STK35: variants seen among roughly 807,000 people sequenced by gnomAD.
STK35 encodes the protein serine/threonine-protein kinase 35.
In STK35, 17 loss-of-function variants were observed where a neutral mutation model predicts 37.3. The ratio of observed to expected loss-of-function variants is 0.46; its 90% CI spans 0.31 to 0.68. STK35 has a LOEUF of 0.68. Ranked by LOEUF, STK35 falls within the 30% of genes least tolerant of loss-of-function variation. STK35 has a pLI of 0.05. For synonymous variants in STK35, 385 were observed against 319.1 expected (o/e 1.21, Z -2.20); for missense variants, 595 against 746.7 (o/e 0.80, Z 2.37).
At chr20:2,114,136 G>A (rs1985670957) in intron 2 of STK35, among the ~76,000 whole-genome samples, 1 of 152,064 alleles carries the variant, frequency 6.6e-6, no homozygotes, top group African/African-American at 2.4e-5. Flanking sequence ...CAGTCTGCTT[G>A]GAGTAAAGGA....
chr20:2,125,496 C>T (rs1208072829), intron 3 of STK35, among the ~76,000 whole-genome samples: 4 of 152,200 alleles, frequency 2.6e-5, no homozygotes, highest in South Asian at 2.1e-4. Flanking sequence ...TCTACTGCTC[C>T]GTTCTGCATT....
At chr20:2,129,290 C>G (rs1016744599) in intron 3 of STK35, among the ~76,000 whole-genome samples, 1 of 152,180 alleles carries the variant, frequency 6.6e-6, no homozygotes, top group African/African-American at 2.4e-5. Context: ...GCCTCCGAGT[C>G]TGCCTTCGTA....
At position 2,102,938 on chromosome 20, in the gene STK35, A is replaced by G. The variant is rs1985431242; in HGVS notation, c.465A>G (p.Pro155=). The G allele has an allele frequency of 1.3e-6, 2 of 1,511,232 alleles. No homozygotes were observed. Among genetic ancestry groups the G allele is most frequent in the Non-Finnish European group, 1.8e-6 (2 of 1,136,816 alleles). The allele number at this position is 1,511,232 out of a possible 1,614,324, so 93.6% of individuals were successfully genotyped here. The change falls in exon 2 of 4, where the codon CCA becomes CCG. Residue 155 remains proline (P), a synonymous_variant. Transcript: ENST00000381482. ...TQSPERKRRS[P]VPRAPSTKLR... is the part of the protein sequence containing the mutation. ...GCCCGGAGCGGAAAAGGCGAAGCCC[A>G]GTGCCGCGGGCGCCCAGCACGAAGC...
At chr20:2,143,698 C>T (rs1986206598) in intron 3 of STK35, 86 bp from the exon 4 acceptor site, 1 of 319,654 alleles carries the variant, frequency 3.1e-6, no homozygotes, top group Non-Finnish European at 6.0e-6. Context: ...CCCCAGCACA[C>T]ACAGCTTCAG....
rs1434049429 is a variant in STK35 at position 2,146,809 on chromosome 20, CTG to C, written c.*3066_*3067del. The C allele has an allele frequency of 2.0e-5, 3 of 152,614 alleles. No individual in the cohort carries two copies. The highest frequency in any genetic ancestry group is 3.9e-4 in the East Asian group (2 of 5,174). The allele number at this position is 152,614 out of a possible 1,614,324, so 9.5% of individuals were successfully genotyped here. ...GCAGCTATAGCCCAGGACAGAAAAA[CTG>C]TGCTTTGGACAGGTGCACACTCTCT... On this transcript the variant is annotated 3_prime_UTR_variant, in exon 4 of 4. Transcript: ENST00000381482.
intron 2 of STK35, among the ~76,000 whole-genome samples, chr20:2,112,256 G>A (rs181116970): frequency 2.6e-4 from 40 of 152,248 alleles, no homozygotes; most frequent in Non-Finnish European, 4.4e-4. Flanking sequence ...CTGGCCTCAC[G>A]TTTTTCAGCG....
chr20:2,129,392 G>A (rs1231754227), intron 3 of STK35, among the ~76,000 whole-genome samples: 1 of 152,138 alleles, frequency 6.6e-6, no homozygotes, highest in Non-Finnish European at 1.5e-5. Flanking sequence ...CACGCAGCAG[G>A]TACCACACAG....
chr20:2,116,641 C>T, intron 2 of STK35, 25 bp from the exon 3 acceptor site: 1 of 1,597,752 alleles, frequency 6.3e-7, no homozygotes, highest in South Asian at 1.1e-5. Flanking sequence ...CTCACTCAAG[C>T]TCCTTCCTGT....
In STK35 at chr20:2,109,926, C is replaced by T. The variant is rs112755966; in HGVS notation, c.892+6561C>T. 2.0e-3 allele frequency among the ~76,000 whole-genome samples: 300 copies of T among 152,362 alleles called. 1 individual carries two copies. Among genetic ancestry groups the T allele is most frequent in the African/African-American group, 7.1e-3 (294 of 41,586 alleles). On this transcript the variant is annotated intron_variant, in intron 2 of 3. Coordinates refer to ENST00000381482, the MANE Select transcript of STK35 (RefSeq NM_080836.4). ...GCTGGCTTTACAGCCCCTGTCCGGC[C>T]GGTGGGTTTACTCTTGTCCTCTTTT... is the stretch of plus-strand genomic sequence containing the variant.
At chr20:2,131,321 G>A (rs1985995766) in intron 3 of STK35, among the ~76,000 whole-genome samples, 1 of 152,058 alleles carries the variant, frequency 6.6e-6, no homozygotes, top group Admixed American at 6.6e-5. Context: ...GGCATAAAAG[G>A]TAAAAAAAAT....
chr20:2,126,110 A>T (rs1015896241), intron 3 of STK35, among the ~76,000 whole-genome samples: 1 of 152,196 alleles, frequency 6.6e-6, no homozygotes. Context: ...CAGCTCACTC[A>T]CTGAATCCTG....
chr20:2,122,568 C>T (rs773008895), intron 3 of STK35, among the ~76,000 whole-genome samples: 6 of 152,142 alleles, frequency 3.9e-5, no homozygotes, highest in South Asian at 2.1e-4. Flanking sequence ...CTCATATCTG[C>T]GTTTTCCTGA....
intron 2 of STK35, among the ~76,000 whole-genome samples, chr20:2,111,484 C>T (rs1383563224): frequency 6.6e-6 from 1 of 152,070 alleles, no homozygotes; most frequent in Non-Finnish European, 1.5e-5. Context: ...ATTGCCTGAG[C>T]CCAGAAGTTC....
chr20:2,109,190 T>A (rs943490698), intron 2 of STK35, among the ~76,000 whole-genome samples: 1 of 152,094 alleles, frequency 6.6e-6, no homozygotes, highest in Non-Finnish European at 1.5e-5. Context: ...GTGCTCTGGG[T>A]GAATCAGCTG....
chr20:2,102,807 G>A lies in STK35; in HGVS notation c.334G>A (p.Gly112Arg). The change falls in exon 2 of 4, where the codon GGA becomes AGA. Residue 112 changes from glycine (G) to arginine (R), a missense_variant. Physicochemically the swap from Gly to Arg is moderately radical, Grantham distance 125 (BLOSUM62 -2). Around this residue, in one of 3 missense-constraint regions of STK35, gnomAD observed 389 missense variants for 320.0 expected, o/e 1.22. Coordinates refer to ENST00000381482, the MANE Select transcript of STK35 (RefSeq NM_080836.4). ...TCCGGCTCCTCCGCGTCCCAGGGCC[G>A]GACGGAGGGATGAGGCAGGGGGGGC... ...QGPAPPRPRA[G>R]RRDEAGGARA... 1 of 1,505,422 alleles carries A rather than the reference G, an allele frequency of 6.6e-7. No homozygotes were observed. The highest frequency in any genetic ancestry group is 8.8e-7 in the Non-Finnish European group (1 of 1,131,786). 93.3% of individuals were successfully genotyped at this position (1,505,422 alleles called of 1,614,324 possible). A position where few individuals can be genotyped will look rare whatever the true frequency, so the allele number is the denominator to read the frequency against.
intron 3 of STK35, among the ~76,000 whole-genome samples, chr20:2,140,102 G>A (rs1321052423): frequency 6.6e-6 from 1 of 152,208 alleles, no homozygotes; most frequent in Non-Finnish European, 1.5e-5. Flanking sequence ...CTGTTTTCTT[G>A]TGAAAACTGG....
chr20:2,113,823 A>G lies in STK35; in HGVS notation c.893-2843A>G, dbSNP rs375430967. 9.2e-5 allele frequency among the ~76,000 whole-genome samples: 14 copies of G among 152,282 alleles called. No homozygotes were observed. In the South Asian group the frequency reaches 2.3e-3, roughly 25 times the overall value. ...ACTTAAGTCACAGTACTCATGTGGT[A>G]TAGTTTCATTCTCTCATTTGATAGA... is the stretch of plus-strand genomic sequence containing the variant. On this transcript the variant is annotated intron_variant, in intron 2 of 3. Coordinates refer to ENST00000381482, the MANE Select transcript of STK35 (RefSeq NM_080836.4).
At position 2,103,497 on chromosome 20, in the gene STK35, C is replaced by T. The variant is rs1600596168; in HGVS notation, c.892+132C>T. The T allele has an allele frequency of 3.6e-6, 3 of 830,796 alleles. No individual in the cohort carries two copies. In the South Asian group the frequency reaches 5.6e-5, roughly 15 times the overall value. 51.5% of individuals were successfully genotyped at this position (830,796 alleles called of 1,614,324 possible). ...CTGTCACCCTGTGCCCTGACACACC[C>T]TCCTTTCCTGGGCCCAGGCATTCGG... On this transcript the variant is annotated intron_variant, in intron 2 of 3. Transcript: ENST00000381482.
chr20:2,126,856 T>C (rs948758215), intron 3 of STK35, among the ~76,000 whole-genome samples: 6 of 152,202 alleles, frequency 3.9e-5, no homozygotes, highest in African/African-American at 1.4e-4. Flanking sequence ...GTTTGCATCG[T>C]ACACAGGTCA....
Sources: gnomAD v4.1 joint callset for allele counts (sites outside exome capture counted in the v4.1 genomes callset) on GRCh38, gnomAD v4.1.1 for gene constraint, gnomAD v4.1.1 regional missense constraint, MANE v1.5 for transcripts, NCBI Gene and HGNC (gene_info 2026-07-23, HGNC 2026-07-21) for gene names.